The following ZFYVE9 variants were observed in gnomAD, a reference collection of about 807,000 sequenced individuals.
The protein encoded by ZFYVE9 is zinc finger FYVE domain-containing protein 9.
A neutral mutation model predicts 126.7 loss-of-function variants in ZFYVE9; 43 were observed. The observed-to-expected ratio is 0.34, with a 90% CI of 0.27 to 0.44. The LOEUF is 0.44. ZFYVE9 is among the 20% of genes least tolerant of loss of function. The pLI, the probability that ZFYVE9 is intolerant of heterozygous loss-of-function variation, is 1.00. For synonymous variants in ZFYVE9, 521 were observed against 597.4 expected (o/e 0.87, Z 1.87); for missense variants, 1,476 against 1,697.0 (o/e 0.87, Z 2.29).
At chr1:52,182,624 GGGTCC>G (rs1340314110) in intron 1 of ZFYVE9, among the ~76,000 whole-genome samples, 1 of 152,002 alleles carries the variant, frequency 6.6e-6, no homozygotes, top group African/African-American at 2.4e-5. Flanking sequence ...GAAGGCTGCA[GGGTCC>G]TCTGCGTAGG....
At position 52,237,650 on chromosome 1, in the gene ZFYVE9, C is replaced by T; in HGVS notation, c.233C>T (p.Ala78Val). 2 of 1,614,098 alleles carry T rather than the reference C, an allele frequency of 1.2e-6. No homozygotes were observed. Among genetic ancestry groups the T allele is most frequent in the South Asian group, 2.2e-5 (2 of 91,084 alleles). Residue 78 changes from alanine (A) to valine (V), a missense_variant, in exon 4 of 19, where the codon GCT becomes GTT. Ala to Val is a moderately conservative substitution (Grantham distance 64). Transcript: ENST00000287727. ...AAAGTCTTCTCCCTGGCTCATTCAG[C>T]TCCCCTGACCACAGAGGAAGAGGAT... ...QLKVFSLAHS[A>V]PLTTEEEDHC...
intron 1 of ZFYVE9, among the ~76,000 whole-genome samples, chr1:52,172,441 T>C (rs916686869): frequency 2.3e-4 from 35 of 152,224 alleles, no homozygotes; most frequent in Non-Finnish European, 4.3e-4. Flanking sequence ...GCATGATGCC[T>C]CCAGCTTTGT....
intron 1 of ZFYVE9, among the ~76,000 whole-genome samples, chr1:52,206,562 T>C (rs996261808): frequency 2.6e-5 from 4 of 152,176 alleles, no homozygotes; most frequent in African/African-American, 9.7e-5. Flanking sequence ...TTGTTTTGTT[T>C]TTTGAGACAG....
At chr1:52,344,580 G>A (rs1407664643) in intron 17 of ZFYVE9, among the ~76,000 whole-genome samples, 188 bp from the exon 18 acceptor site, 1 of 152,100 alleles carries the variant, frequency 6.6e-6, no homozygotes, top group Non-Finnish European at 1.5e-5. Flanking sequence ...TGGAGAGACA[G>A]GGATTGTTTT....
At chr1:52,258,732 G>A (rs770133546) in intron 4 of ZFYVE9, among the ~76,000 whole-genome samples, 16 of 152,092 alleles carry the variant, frequency 1.1e-4, no homozygotes, top group Admixed American at 2.0e-4. Flanking sequence ...ATAGTCTGGC[G>A]TTGAAGAGTC....
chr1:52,200,365 G>A (rs1644912247), intron 1 of ZFYVE9, among the ~76,000 whole-genome samples: 1 of 151,758 alleles, frequency 6.6e-6, no homozygotes, highest in South Asian at 2.1e-4. Context: ...TTTTTTTGTA[G>A]AGACAGGGTT....
intron 1 of ZFYVE9, among the ~76,000 whole-genome samples, chr1:52,183,559 G>A (rs529084567): frequency 2.0e-5 from 3 of 152,210 alleles, no homozygotes; most frequent in Non-Finnish European, 4.4e-5. Flanking sequence ...CTGGAGTGCA[G>A]TGGTGCGATC....
intron 4 of ZFYVE9, among the ~76,000 whole-genome samples, chr1:52,249,037 A>T (rs996766976): frequency 6.6e-6 from 1 of 152,154 alleles, no homozygotes; most frequent in Non-Finnish European, 1.5e-5. Flanking sequence ...CTGTTCTCAT[A>T]ATAGTGAGTT....
intron 3 of ZFYVE9, among the ~76,000 whole-genome samples, chr1:52,235,422 T>G (rs1335798541): frequency 6.6e-6 from 1 of 152,186 alleles, no homozygotes; most frequent in Non-Finnish European, 1.5e-5. Context: ...TAAATATTCT[T>G]GTAAGAAGCT....
At chr1:52,148,977 T>C (rs973100027) in intron 1 of ZFYVE9, among the ~76,000 whole-genome samples, 9 of 131,802 alleles carry the variant, frequency 6.8e-5, no homozygotes, top group African/African-American at 2.8e-4. Context: ...TTTTTTTTTT[T>C]TTTTTGAGAT....
intron 10 of ZFYVE9, among the ~76,000 whole-genome samples, chr1:52,292,793 AGGTGAT>A (rs1219893430): frequency 6.6e-6 from 1 of 151,886 alleles, no homozygotes; most frequent in East Asian, 1.9e-4. Context: ...ATGACCTTTG[AGGTGAT>A]AGTTCTTGAG....
At chr1:52,303,444 T>TTCC (rs1646053846) in intron 12 of ZFYVE9, among the ~76,000 whole-genome samples, 1 of 152,200 alleles carries the variant, frequency 6.6e-6, no homozygotes, top group South Asian at 2.1e-4. Context: ...GCCTAAGATG[T>TTCC]TCCAGGCGTT....
At chr1:52,176,883 G>T (rs1168200003) in intron 1 of ZFYVE9, among the ~76,000 whole-genome samples, 2 of 152,118 alleles carry the variant, frequency 1.3e-5, no homozygotes, top group East Asian at 1.9e-4. Flanking sequence ...CGATTTTCCA[G>T]GTGCCGTCTG....
rs964436007 is a variant in ZFYVE9 at position 52,266,761 on chromosome 1, A to C, written c.2385A>C (p.Ser795=). ...CTCCCTTGCAGCAAGCTCAGGCCTC[A>C]GGAGCTCTGAGCTCTCCACCTCCCA... ...TIPPLQQAQA[S]GALSSPPPTV... Residue 795 remains serine (S), a synonymous_variant, in exon 6 of 19, where the codon TCA becomes TCC. Transcript: ENST00000287727. 2 of 1,612,248 alleles carry C rather than the reference A, an allele frequency of 1.2e-6. No homozygotes were observed. Among genetic ancestry groups the C allele is most frequent in the Non-Finnish European group, 1.7e-6 (2 of 1,179,238 alleles).
intron 1 of ZFYVE9, among the ~76,000 whole-genome samples, chr1:52,184,913 G>C (rs2124546975): frequency 6.6e-6 from 1 of 152,124 alleles, no homozygotes; most frequent in African/African-American, 2.4e-5. Context: ...CCAGCACTTT[G>C]GGAGGACAAG....
At chr1:52,156,456 A>G (rs996521444) in intron 1 of ZFYVE9, among the ~76,000 whole-genome samples, 1 of 152,150 alleles carries the variant, frequency 6.6e-6, no homozygotes, top group Non-Finnish European at 1.5e-5. Flanking sequence ...TCTGCCCCCT[A>G]CACAATTTTG....
At chr1:52,300,330 G>A (rs1351926141) in intron 12 of ZFYVE9, among the ~76,000 whole-genome samples, 2 of 152,114 alleles carry the variant, frequency 1.3e-5, no homozygotes, top group Non-Finnish European at 2.9e-5. Context: ...AGTGGCTCAT[G>A]CCTGTAATCT....
At chr1:52,338,533 T>C (rs1297595877) in intron 16 of ZFYVE9, among the ~76,000 whole-genome samples, 3 of 152,222 alleles carry the variant, frequency 2.0e-5, no homozygotes, top group Admixed American at 6.5e-5. Context: ...ACATTGCATT[T>C]ATACATTACA....
chr1:52,337,417 G>A (rs928381050), intron 15 of ZFYVE9, among the ~76,000 whole-genome samples: 1 of 152,212 alleles, frequency 6.6e-6, no homozygotes, highest in Non-Finnish European at 1.5e-5. Context: ...AGGTGAGAGA[G>A]ATGGAGATGC....
Sources: allele counts gnomAD v4.1 joint callset (sites outside exome capture counted in the v4.1 genomes callset), GRCh38; gene constraint gnomAD v4.1.1; transcripts MANE v1.5; gene names NCBI Gene and HGNC (gene_info 2026-07-23, HGNC 2026-07-21).